FNDC3A: variants seen among roughly 807,000 people sequenced by gnomAD.
FNDC3A encodes the protein fibronectin type III domain containing 3A.
A neutral mutation model predicts 148.9 loss-of-function variants in FNDC3A; 32 were observed. That is an observed-to-expected ratio of 0.21 (90% CI 0.16 to 0.29). FNDC3A has a LOEUF of 0.29. FNDC3A is among the 10% of genes least tolerant of loss of function. FNDC3A has a pLI of 1.00. For missense variants in FNDC3A, 1,191 were observed against 1,452.8 expected, an observed-to-expected ratio of 0.82 and a Z score of 2.93; for synonymous variants, 472 against 473.6, an observed-to-expected ratio of 1.00 and a Z score of 0.04.
At chr13:49,011,640 T>A (rs1006858239) in intron 2 of FNDC3A, among the ~76,000 whole-genome samples, 1 of 152,094 alleles carries the variant, frequency 6.6e-6, no homozygotes, top group African/African-American at 2.4e-5. Flanking sequence ...TACAAAAAAA[T>A]TTAAAATTTA....
intron 2 of FNDC3A, among the ~76,000 whole-genome samples, chr13:49,059,428 T>A (rs1876491971): frequency 6.6e-6 from 1 of 152,182 alleles, no homozygotes; most frequent in African/African-American, 2.4e-5. Context: ...AAAGACAGTC[T>A]ATAGAATGAT....
chr13:49,171,797 A>G (rs566721206), intron 10 of FNDC3A, among the ~76,000 whole-genome samples: 2 of 152,340 alleles, frequency 1.3e-5, no homozygotes, highest in East Asian at 3.9e-4. Context: ...AGTTATTAAT[A>G]GTTCTTGCTA....
At chr13:49,113,725 T>G (rs981733560) in intron 3 of FNDC3A, among the ~76,000 whole-genome samples, 1 of 152,218 alleles carries the variant, frequency 6.6e-6, no homozygotes, top group African/African-American at 2.4e-5. Context: ...TTTCAGGTTA[T>G]AAAAAACTGG....
chr13:48,981,818 C>G (rs904780261), intron 1 of FNDC3A, among the ~76,000 whole-genome samples: 1 of 66,234 alleles, frequency 1.5e-5, no homozygotes, highest in Non-Finnish European at 3.0e-5. Flanking sequence ...TAATCAGCCT[C>G]TATCAGAAAT....
intron 3 of FNDC3A, among the ~76,000 whole-genome samples, chr13:49,105,978 ACAGAGTGTAGCTCATTT>A (rs60638339): frequency 3.3e-5 from 5 of 152,346 alleles, no homozygotes; most frequent in African/African-American, 1.2e-4. Context: ...ATGAGGCCTA[ACAGAGTGTAGCTCATTT>A]CCCTCTTAAT....
intron 2 of FNDC3A, among the ~76,000 whole-genome samples, chr13:49,035,967 A>G (rs1333232841): frequency 6.6e-6 from 1 of 152,134 alleles, no homozygotes; most frequent in East Asian, 1.9e-4. Flanking sequence ...CTGAAATGTT[A>G]TATCAGCCTG....
At chr13:49,016,522 A>G (rs983672401) in intron 2 of FNDC3A, among the ~76,000 whole-genome samples, 4 of 152,086 alleles carry the variant, frequency 2.6e-5, no homozygotes, top group African/African-American at 9.7e-5. Context: ...CTAGTGGTCT[A>G]TCAATCTTGT....
At chr13:49,194,819 AT>A (rs1349033259) in intron 19 of FNDC3A, among the ~76,000 whole-genome samples, 1 of 152,038 alleles carries the variant, frequency 6.6e-6, no homozygotes, top group African/African-American at 2.4e-5. Context: ...AGATTTATAG[AT>A]TGGTATATAG....
At chr13:48,986,998 A>G (rs773236788) in intron 1 of FNDC3A, among the ~76,000 whole-genome samples, 16 of 152,238 alleles carry the variant, frequency 1.1e-4, no homozygotes, top group African/African-American at 3.9e-4. Context: ...TTAGTTACCA[A>G]TGTATTACTG....
At chr13:49,151,997 A>T (rs1159024428) in intron 8 of FNDC3A, among the ~76,000 whole-genome samples, 3 of 152,172 alleles carry the variant, frequency 2.0e-5, no homozygotes, top group Non-Finnish European at 2.9e-5. Context: ...ATTTGGGTTG[A>T]TTCCAAGTCC....
Position 49,105,883 on chromosome 13 carries a change from G to A in FNDC3A, c.176-8772G>A, listed in dbSNP as rs1318978799. Reference sequence around the variant, plus strand: ...TACCAGCAATATGTATAAGTCAGATGAATTTTTTTTAATATAACTTAGATC... The same window carrying A: ...TACCAGCAATATGTATAAGTCAGATAAATTTTTTTTAATATAACTTAGATC... On this transcript the variant is annotated intron_variant, in intron 3 of 25. Coordinates refer to ENST00000492622, the MANE Select transcript of FNDC3A (RefSeq NM_001079673.2). Among the ~76,000 whole-genome samples, 3 of 152,116 alleles carry A rather than the reference G, an allele frequency of 2.0e-5. No homozygotes were observed. The East Asian group carries it at 5.8e-4, about 29-fold the overall frequency.
chr13:49,145,374 G>C (rs976874671), intron 7 of FNDC3A, among the ~76,000 whole-genome samples: 1 of 152,060 alleles, frequency 6.6e-6, no homozygotes, highest in Admixed American at 6.5e-5. Context: ...TTTATATGTT[G>C]TCCATTTATA....
At chr13:48,980,171 G>A (rs556600048) in intron 1 of FNDC3A, among the ~76,000 whole-genome samples, 35 of 152,264 alleles carry the variant, frequency 2.3e-4, no homozygotes, top group African/African-American at 7.2e-4. Flanking sequence ...AGTGAAAGAC[G>A]AAAAGCCTTT....
intron 4 of FNDC3A, among the ~76,000 whole-genome samples, chr13:49,122,754 A>G (rs1881439059): frequency 1.3e-5 from 2 of 152,178 alleles, no homozygotes; most frequent in Non-Finnish European, 2.9e-5. Flanking sequence ...CAAAATTGCT[A>G]CAAAGAGAAC....
chr13:49,040,432 A>G (rs942445895), intron 2 of FNDC3A, among the ~76,000 whole-genome samples: 9 of 152,356 alleles, frequency 5.9e-5, no homozygotes, highest in Admixed American at 1.3e-4. Flanking sequence ...ACTCCTAGGT[A>G]TCACACCAGT....
Position 49,207,668 on chromosome 13 carries a change from A to G in FNDC3A, c.*273A>G, listed in dbSNP as rs1283829747. 6.4e-6 allele frequency: 2 copies of G among 311,196 alleles called. No homozygotes were observed. Among genetic ancestry groups the G allele is most frequent in the East Asian group, 1.3e-4 (2 of 15,264 alleles). The allele number at this position is 311,196 out of a possible 1,614,324, so 19.3% of individuals were successfully genotyped here. On this transcript the variant is annotated 3_prime_UTR_variant, in exon 26 of 26. Coordinates refer to ENST00000492622, the MANE Select transcript of FNDC3A (RefSeq NM_001079673.2). ...TTTTTTAACAAATGCCTTCTTATAG[A>G]AAAACTTTCTAAGAGGCAACAATTT...
chr13:49,167,094 C>A lies in FNDC3A; in HGVS notation c.978-150C>A, dbSNP rs1884506069. 8.2e-6 allele frequency: 4 copies of A among 487,472 alleles called. No individual in the cohort carries two copies. In the South Asian group the frequency reaches 1.9e-4, roughly 23 times the overall value. 30.2% of individuals were successfully genotyped at this position (487,472 alleles called of 1,614,324 possible). A position where few individuals can be genotyped will look rare whatever the true frequency, so the allele number is the denominator to read the frequency against. On this transcript the variant is annotated intron_variant, in intron 8 of 25. Transcript: ENST00000492622. The stretch of plus-strand genomic sequence containing the variant: ...TAAGTTTGTTACATATCCTAACTGC[C>A]AAATTCCATATTAGTGGAATCTGAA...
intron 16 of FNDC3A, among the ~76,000 whole-genome samples, chr13:49,188,064 A>C (rs1440210240): frequency 1.3e-5 from 2 of 152,204 alleles, no homozygotes; most frequent in Non-Finnish European, 2.9e-5. Flanking sequence ...AAGTTTTATG[A>C]CTAGTGAACT....
chr13:48,993,228 C>T (rs1478607180), intron 1 of FNDC3A, among the ~76,000 whole-genome samples: 1 of 152,150 alleles, frequency 6.6e-6, no homozygotes, highest in Non-Finnish European at 1.5e-5. Context: ...TCAGTTAGTA[C>T]TTAATGTAAA....
Sources: allele counts gnomAD v4.1 joint callset (sites outside exome capture counted in the v4.1 genomes callset), GRCh38; gene constraint gnomAD v4.1.1; transcripts MANE v1.5; gene names NCBI Gene and HGNC (gene_info 2026-07-23, HGNC 2026-07-21).